Variants in C17orf99 observed in about 807,000 individuals in gnomAD.
C17orf99 encodes the protein protein IL-40.
In C17orf99, 18 loss-of-function variants were observed where a neutral mutation model predicts 22.6. That is an observed-to-expected ratio of 0.80 (90% CI 0.55 to 1.18). The LOEUF is 1.18. C17orf99 is among the 50% of genes most tolerant of loss of function. The pLI, the probability that C17orf99 is intolerant of heterozygous loss-of-function variation, is 0.00. For missense variants in C17orf99, 328 were observed against 342.7 expected, an observed-to-expected ratio of 0.96 and a Z score of 0.34; for synonymous variants, 147 against 136.6, an observed-to-expected ratio of 1.08 and a Z score of -0.53.
At chr17:78,158,364 G>A (rs751038806) in intron 2 of C17orf99, among the ~76,000 whole-genome samples, 2 of 151,838 alleles carry the variant, frequency 1.3e-5, no homozygotes, top group Non-Finnish European at 2.9e-5. Flanking sequence ...GCACCATCTC[G>A]GCTCACTACA....
chr17:78,158,148 T>C, intron 2 of C17orf99: 1 of 805,110 alleles, frequency 1.2e-6, no homozygotes, highest in Non-Finnish European at 2.1e-6. Context: ...GAGATCCTGA[T>C]CATGGTGCTG....
intron 2 of C17orf99, among the ~76,000 whole-genome samples, chr17:78,155,073 TG>T (rs2075514775): frequency 6.6e-6 from 1 of 151,586 alleles, no homozygotes; most frequent in Admixed American, 6.6e-5. Flanking sequence ...CACTGTAGGA[TG>T]CTTTGCGACA....
intron 2 of C17orf99, among the ~76,000 whole-genome samples, chr17:78,156,060 T>C (rs923036968): frequency 6.6e-5 from 10 of 151,706 alleles, no homozygotes; most frequent in Non-Finnish European, 1.2e-4. Context: ...CCAGGCACAG[T>C]GGCTCACACC....
intron 2 of C17orf99, chr17:78,160,168 TTACTC>T (rs2075562015): frequency 6.6e-6 from 3 of 455,116 alleles, no homozygotes; most frequent in Admixed American, 2.4e-5. Flanking sequence ...TCTTTTTTCT[TTACTC>T]TGAGGTCTAC....
chr17:78,164,044 G>A (rs2075598143), intron 3 of C17orf99, 51 bp from the exon 4 acceptor site: 2 of 1,419,952 alleles, frequency 1.4e-6, no homozygotes, highest in Non-Finnish European at 1.9e-6. Flanking sequence ...TGAGGAGGAG[G>A]GGTTTAAAAC....
chr17:78,156,561 T>A (rs1437166833), intron 2 of C17orf99, among the ~76,000 whole-genome samples: 1 of 152,038 alleles, frequency 6.6e-6, no homozygotes, highest in Admixed American at 6.6e-5. Flanking sequence ...TTGGGTGCCG[T>A]GAGCAGGCTG....
At chr17:78,147,021 T>G (rs1598938222) in intron 2 of C17orf99, 110 bp downstream of exon 2, 1 of 925,946 alleles carries the variant, frequency 1.1e-6, no homozygotes, top group Non-Finnish European at 1.7e-6. Flanking sequence ...AGTGGGGAGG[T>G]GTGTGCTGGA....
At chr17:78,155,375 A>G (rs1339820163) in intron 2 of C17orf99, among the ~76,000 whole-genome samples, 1 of 152,118 alleles carries the variant, frequency 6.6e-6, no homozygotes, top group Non-Finnish European at 1.5e-5. Context: ...TGCCCAGCCG[A>G]GCAAAGGCAA....
Position 78,146,971 on chromosome 17 carries a change from C to T in C17orf99, c.70+60C>T. On this transcript the variant is annotated intron_variant, in intron 2 of 4. Transcript: ENST00000340363. This position sits in a 1 kb window ranked among gnomAD's most constrained non-coding sequence, Gnocchi z 5.2. Reference sequence around the variant, plus strand: ...CCAGCTGGGACCCTGGTGTCAGAACCCCCATGGTGGAGGGCGCCTCGGCTG... The same window carrying T: ...CCAGCTGGGACCCTGGTGTCAGAACTCCCATGGTGGAGGGCGCCTCGGCTG... The T allele has an allele frequency of 4.1e-6, 6 of 1,476,092 alleles. No homozygotes were observed. Among genetic ancestry groups the T allele is most frequent in the Non-Finnish European group, 5.6e-6 (6 of 1,078,472 alleles). The allele number at this position is 1,476,092 out of a possible 1,614,324, so 91.4% of individuals were successfully genotyped here.
chr17:78,151,398 T>G (rs1419926516), intron 2 of C17orf99, among the ~76,000 whole-genome samples: 2 of 119,820 alleles, frequency 1.7e-5, no homozygotes, highest in Non-Finnish European at 3.1e-5. Flanking sequence ...CACTCCAGCC[T>G]GAGCGACAGA....
intron 2 of C17orf99, among the ~76,000 whole-genome samples, chr17:78,156,104 C>A (rs1391178330): frequency 6.6e-6 from 1 of 151,148 alleles, no homozygotes; most frequent in African/African-American, 2.4e-5. Flanking sequence ...CCCAGGCAGG[C>A]GGATCACCTG....
At chr17:78,148,536 TGTTA>T (rs1173420484) in intron 2 of C17orf99, among the ~76,000 whole-genome samples, 4 of 151,796 alleles carry the variant, frequency 2.6e-5, no homozygotes, top group South Asian at 2.1e-4. Context: ...TTCTAAGGTA[TGTTA>T]GTTAGAATGT....
chr17:78,149,300 C>A (rs151130877), intron 2 of C17orf99, among the ~76,000 whole-genome samples: 3,616 of 140,342 alleles, frequency 0.026, 82 homozygotes, highest in South Asian at 0.084. Context: ...CCACTGCACT[C>A]CAGCCTGGGC....
At chr17:78,148,450 C>G (rs2075452575) in intron 2 of C17orf99, among the ~76,000 whole-genome samples, 1 of 151,704 alleles carries the variant, frequency 6.6e-6, no homozygotes. Context: ...GATTGCTTGT[C>G]CGGGAAGTGA....
chr17:78,145,900 A>G (rs2075434421), upstream of C17orf99, among the ~76,000 whole-genome samples: 1 of 150,830 alleles, frequency 6.6e-6, no homozygotes, highest in Admixed American at 6.7e-5. Flanking sequence ...GGTTCAAGCA[A>G]TTCTCCTGCC....
At chr17:78,155,839 C>G (rs1010449954) in intron 2 of C17orf99, among the ~76,000 whole-genome samples, 2 of 151,420 alleles carry the variant, frequency 1.3e-5, no homozygotes, top group African/African-American at 2.4e-5. Flanking sequence ...GTTGGCCAGG[C>G]TGGTCTTGAA....
intron 2 of C17orf99, chr17:78,157,975 T>A: frequency 8.0e-7 from 1 of 1,252,176 alleles, no homozygotes; most frequent in Admixed American, 1.8e-5. Context: ...TGTCAACTCA[T>A]AACATGGATG....
At position 78,165,039 on chromosome 17, in the gene C17orf99, C is replaced by G. The variant is rs572741370; in HGVS notation, c.640+675C>G. ...AGGAGCTCCTGCCTTCTGTGAGAACCACCTTGGGCAGTCTTTCCGAGGTGG... is the reference window on the plus strand; with the variant it reads ...AGGAGCTCCTGCCTTCTGTGAGAACGACCTTGGGCAGTCTTTCCGAGGTGG... On this transcript the variant is annotated intron_variant, in intron 4 of 4. Transcript: ENST00000340363. 2.9e-4 allele frequency: 311 copies of G among 1,075,062 alleles called. 6 individuals carry two copies. The South Asian group carries it at 7.3e-3, about 25-fold the overall frequency. 66.6% of individuals were successfully genotyped at this position (1,075,062 alleles called of 1,614,324 possible). A position where few individuals can be genotyped will look rare whatever the true frequency, so the allele number is the denominator to read the frequency against.
chr17:78,158,156 C>T (rs2075543159), intron 2 of C17orf99: 1 of 788,690 alleles, frequency 1.3e-6, no homozygotes, highest in Admixed American at 1.8e-5. Flanking sequence ...GATCATGGTG[C>T]TGTCTGCCAT....
Sources: allele counts gnomAD v4.1 joint callset (sites outside exome capture counted in the v4.1 genomes callset), GRCh38; gene constraint gnomAD v4.1.1; non-coding constraint Gnocchi (gnomAD v3.1); transcripts MANE v1.5; gene names NCBI Gene and HGNC (gene_info 2026-07-23, HGNC 2026-07-21).